Variants in ABCA5 observed in about 807,000 individuals in gnomAD.
The protein encoded by ABCA5 is cholesterol transporter ABCA5.
In ABCA5, 163 loss-of-function variants were observed where a neutral mutation model predicts 206.0. The observed-to-expected ratio is 0.79, with a 90% CI of 0.70 to 0.90. ABCA5 has a LOEUF of 0.90. Ranked by LOEUF, ABCA5 falls within the 40% of genes least tolerant of loss-of-function variation. ABCA5 has a pLI of 0.00. For synonymous variants in ABCA5, 609 were observed against 613.8 expected, an observed-to-expected ratio of 0.99 and a Z score of 0.11; for missense variants, 1,859 against 1,912.9, an observed-to-expected ratio of 0.97 and a Z score of 0.53.
At chr17:69,319,724 T>C (rs897328891) in intron 1 of ABCA5, among the ~76,000 whole-genome samples, 1 of 152,248 alleles carries the variant, frequency 6.6e-6, no homozygotes, top group African/African-American at 2.4e-5. Flanking sequence ...TCGATTTTTC[T>C]TCCTTGGAGT....
intron 17 of ABCA5, among the ~76,000 whole-genome samples, chr17:69,285,621 C>T (rs187757895): frequency 1.0e-3 from 157 of 151,714 alleles, no homozygotes; most frequent in African/African-American, 3.6e-3. Flanking sequence ...TTTTTCTTGA[C>T]AACAAAGTAA....
intron 22 of ABCA5, 78 bp from the exon 23 acceptor site, chr17:69,268,134 T>C (rs1263794197): frequency 6.3e-6 from 4 of 639,228 alleles, no homozygotes; most frequent in East Asian, 2.9e-5. Flanking sequence ...ATATATCTTA[T>C]ATCAAAAAAA....
intron 24 of ABCA5, 40 bp downstream of exon 24, chr17:69,264,695 C>G (rs2075188501): frequency 7.7e-7 from 1 of 1,301,706 alleles, no homozygotes; most frequent in Admixed American, 2.9e-5. Context: ...AAATAACATT[C>G]TATCTATAAA....
chr17:69,301,317 T>C lies in ABCA5; in HGVS notation c.1120-31A>G, dbSNP rs142028804. On this transcript the variant is annotated intron_variant, in intron 8 of 38. Transcript: ENST00000392676. ...AAATACAAACACTAACTTTATTACA[T>C]AAAAATGACAAAAACAAGCAAAAGC... 355 of 1,565,248 alleles carry C rather than the reference T, an allele frequency of 2.3e-4. 4 individuals are homozygous for C. The African/African-American group carries it at 4.3e-3, about 19-fold the overall frequency.
chr17:69,290,781 A>G (rs1295341067), intron 12 of ABCA5, among the ~76,000 whole-genome samples: 2 of 152,128 alleles, frequency 1.3e-5, no homozygotes, highest in Non-Finnish European at 2.9e-5. Flanking sequence ...TATCAAAATT[A>G]TACTTTTGAG....
Position 69,277,665 on chromosome 17 carries a change from C to G in ABCA5, c.2570G>C (p.Arg857Pro). The G allele has an allele frequency of 6.2e-7, 1 of 1,610,490 alleles. No individual in the cohort carries two copies. The highest frequency in any genetic ancestry group is 8.5e-7 in the Non-Finnish European group (1 of 1,178,842). ...CACTGATCTCACTGATTTACTTTCA[C>G]GTTTCAAGGTAAAGAAATGAAACTT... ...IAKFHFFTLK[R>P]ESKSVRSVLL... Residue 857 changes from arginine to proline, a missense_variant, in exon 19 of 39, where the codon CGT becomes CCT. By Grantham distance (103) the Arg-to-Pro change is moderately radical (BLOSUM62 -2). Coordinates refer to ENST00000392676, the MANE Select transcript of ABCA5 (RefSeq NM_172232.4).
chr17:69,262,964 G>C (rs1351348861), intron 24 of ABCA5, among the ~76,000 whole-genome samples: 1 of 152,072 alleles, frequency 6.6e-6, no homozygotes, highest in Non-Finnish European at 1.5e-5. Flanking sequence ...CTGTGGTTTT[G>C]ATTTACATTT....
At chr17:69,278,347 C>G (rs1247064839) in intron 18 of ABCA5, among the ~76,000 whole-genome samples, 4 of 152,204 alleles carry the variant, frequency 2.6e-5, no homozygotes, top group Non-Finnish European at 4.4e-5. Context: ...CTTTTCCTCT[C>G]TGACCACAAC....
rs757113904 is a variant in ABCA5, at chr17:69,251,850, C to T, written c.4432G>A (p.Ala1478Thr). ...GCAGCCCGCTTTCTGTTTTTAAATG[C>T]AGTTCGAATTGCTCGCCTATAAAAC... is the stretch of plus-strand genomic sequence containing the variant. ...KQHMWRAIRT[A>T]FKNRKRAAIL... The change falls in exon 35 of 39, where the codon GCA becomes ACA. Residue 1478 changes from alanine (A) to threonine (T), a missense_variant. Transcript: ENST00000392676. 5 of 1,613,416 alleles carry T rather than the reference C, an allele frequency of 3.1e-6. No homozygotes were observed. The highest frequency in any genetic ancestry group is 3.4e-6 in the Non-Finnish European group (4 of 1,179,856).
intron 18 of ABCA5, 103 bp downstream of exon 18, chr17:69,283,850 C>T: frequency 8.4e-7 from 1 of 1,191,232 alleles, no homozygotes; most frequent in Non-Finnish European, 1.1e-6. Context: ...TTATTTCTAC[C>T]CTTTATTCTA....
intron 6 of ABCA5, 39 bp from the exon 7 acceptor site, chr17:69,304,849 T>C (rs1260892299): frequency 2.0e-6 from 3 of 1,521,644 alleles, no homozygotes; most frequent in South Asian, 2.6e-5. Context: ...GTCAAATGCA[T>C]AGGCTTAACC....
intron 10 of ABCA5, among the ~76,000 whole-genome samples, chr17:69,296,278 A>T (rs1425456648): frequency 6.6e-6 from 1 of 152,184 alleles, no homozygotes; most frequent in East Asian, 1.9e-4. Flanking sequence ...CCAATGAATT[A>T]CATCTTAAGT....
At chr17:69,259,282 G>A (rs1567752877) in intron 28 of ABCA5, among the ~76,000 whole-genome samples, 1 of 152,034 alleles carries the variant, frequency 6.6e-6, no homozygotes, top group Non-Finnish European at 1.5e-5. Context: ...AAAACCATAT[G>A]CTAGATACTA....
chr17:69,317,162 C>T (rs2075823800), intron 1 of ABCA5: 2 of 152,020 alleles, frequency 1.3e-5, no homozygotes, highest in Non-Finnish European at 2.9e-5. Context: ...TTTGGGAAGC[C>T]AAGGCGGGTG....
In ABCA5 at chr17:69,297,345, G is replaced by A. The variant is rs757729755; in HGVS notation, c.1282C>T (p.Arg428Trp). ...DQVIPGEFGL[R>W]RSSLYFLKPS... ...TTCAGAAAATATAAAGATGATCTCCGTAAGCCAAATTCCCCTGAAAAATAA... is the reference window on the plus strand; with the variant it reads ...TTCAGAAAATATAAAGATGATCTCCATAAGCCAAATTCCCCTGAAAAATAA... Residue 428 changes from arginine to tryptophan, a missense_variant, in exon 10 of 39, where the codon CGG becomes TGG. Transcript: ENST00000392676. 49 of 1,587,694 alleles carry A rather than the reference G, an allele frequency of 3.1e-5. No individual in the cohort carries two copies. In the Admixed American group the frequency reaches 3.8e-4, roughly 12 times the overall value.
At position 69,246,606 on chromosome 17, in the gene ABCA5, A is replaced by G. The variant is rs1364064538; in HGVS notation, c.*931T>C. ...TAAATCTACACACTGATCTACTTAC[A>G]ATTTTATAGAAGAGATTCACTAAAG... On this transcript the variant is annotated 3_prime_UTR_variant, in exon 39 of 39. Coordinates refer to ENST00000392676, the MANE Select transcript of ABCA5 (RefSeq NM_172232.4). The G allele has an allele frequency of 6.6e-6, 1 of 151,990 alleles. No homozygotes were observed. The highest frequency in any genetic ancestry group is 2.4e-5 in the African/African-American group (1 of 41,448). 9.4% of individuals were successfully genotyped at this position (151,990 alleles called of 1,614,324 possible). A position where few individuals can be genotyped will look rare whatever the true frequency, so the allele number is the denominator to read the frequency against.
intron 24 of ABCA5, 66 bp downstream of exon 24, chr17:69,264,669 G>A: frequency 5.1e-6 from 6 of 1,172,852 alleles, no homozygotes; most frequent in Middle Eastern, 3.0e-4. Flanking sequence ...CAACTGTCAT[G>A]TTTATAACAG....
At chr17:69,301,089 C>A in intron 9 of ABCA5, 50 bp downstream of exon 9, 1 of 1,469,920 alleles carries the variant, frequency 6.8e-7, no homozygotes, top group Non-Finnish European at 9.0e-7. Context: ...CCTATGTGGG[C>A]AAAAAAGCCT....
intron 1 of ABCA5, among the ~76,000 whole-genome samples, chr17:69,324,485 T>C (rs753771855): frequency 6.6e-6 from 1 of 152,222 alleles, no homozygotes; most frequent in South Asian, 2.1e-4. Context: ...GTTTCTGGTA[T>C]CCAAAATTAG....
Sources: allele counts gnomAD v4.1 joint callset (sites outside exome capture counted in the v4.1 genomes callset), GRCh38; gene constraint gnomAD v4.1.1; transcripts MANE v1.5; gene names NCBI Gene and HGNC (gene_info 2026-07-23, HGNC 2026-07-21).